STPG1: variants seen among roughly 807,000 people sequenced by gnomAD.
STPG1 encodes the protein O(6)-methylguanine-induced apoptosis 2.
A neutral mutation model predicts 40.1 loss-of-function variants in STPG1; 33 were observed. The ratio of observed to expected loss-of-function variants is 0.82; its 90% CI spans 0.62 to 1.10. The LOEUF is 1.10. STPG1 is among the 50% of genes least tolerant of loss of function. The probability of loss-of-function intolerance (pLI) is 0.00; values close to 1 mark genes in which losing one functional copy is unlikely to be tolerated. For synonymous variants in STPG1, 150 were observed against 155.0 expected (o/e 0.97, Z 0.24); for missense variants, 396 against 415.1 (o/e 0.95, Z 0.40).
At chr1:24,373,625 G>T in intron 6 of STPG1, 77 bp downstream of exon 6, 1 of 961,110 alleles carries the variant, frequency 1.0e-6, no homozygotes, top group Non-Finnish European at 1.7e-6. Context: ...GACTCCCTGT[G>T]AAGAAGTAGG....
chr1:24,391,669 A>C lies in STPG1; in HGVS notation c.81T>G (p.Ala27=). The C allele has an allele frequency of 6.5e-7, 1 of 1,545,298 alleles. No individual in the cohort carries two copies. ...GAATGGAGGATTGTGTTGGATATGC[A>C]GCAGTAAAACCTAAACAACAAAAAT... is the stretch of plus-strand genomic sequence containing the variant. The part of the protein sequence containing the change: ...RASEVQKGFT[A]AYPTQSSIPF... The change falls in exon 3 of 9, where the codon GCT becomes GCG. Residue 27 remains alanine (A), a synonymous_variant. Transcript: ENST00000337248.
In STPG1 at chr1:24,383,967, G is replaced by T. The variant is rs985949052; in HGVS notation, c.226C>A (p.His76Asn). 1 of 1,613,912 alleles carries T rather than the reference G, an allele frequency of 6.2e-7. No individual in the cohort carries two copies. The highest frequency in any genetic ancestry group is 1.1e-5 in the South Asian group (1 of 91,076). ...IPGPGFYNVI[H>N]QSPVSNSVSL... ...ACACTGTTGGACACCGGTGACTGGT[G>T]AATAACATTGTAGAACCCAGGTCCT... Residue 76 changes from histidine to asparagine, a missense_variant, in exon 4 of 9, where the codon CAC becomes AAC. His to Asn is a moderately conservative substitution (Grantham distance 68, BLOSUM62 1). Transcript: ENST00000337248.
intron 2 of STPG1, among the ~76,000 whole-genome samples, chr1:24,395,394 T>C (rs931049159): frequency 1.5e-4 from 21 of 144,180 alleles, no homozygotes; most frequent in Non-Finnish European, 2.3e-4. Context: ...TGTGGGTAAA[T>C]AGAAAATATA....
At chr1:24,363,747 AATCCAGAAATCC>A (rs1009891078) in intron 7 of STPG1, among the ~76,000 whole-genome samples, 1 of 152,218 alleles carries the variant, frequency 6.6e-6, no homozygotes, top group African/African-American at 2.4e-5. Flanking sequence ...CAACAAGATG[AATCCAGAAATCC>A]ATCCAGAAAT....
At chr1:24,374,673 G>A (rs1208460875) in intron 5 of STPG1, among the ~76,000 whole-genome samples, 1 of 151,864 alleles carries the variant, frequency 6.6e-6, no homozygotes, top group Non-Finnish European at 1.5e-5. Flanking sequence ...TGCCCAGGCT[G>A]GAGTGCAGTG....
At chr1:24,364,166 C>A in intron 7 of STPG1, 1 of 1,487,708 alleles carries the variant, frequency 6.7e-7, no homozygotes, top group African/African-American at 1.4e-5. Context: ...CAATTCTTGA[C>A]GTTCTCACTT....
At chr1:24,384,373 G>T (rs1237152561) in intron 3 of STPG1, among the ~76,000 whole-genome samples, 1 of 152,182 alleles carries the variant, frequency 6.6e-6, no homozygotes, top group Non-Finnish European at 1.5e-5. Context: ...CCAGACCCAC[G>T]GCAAGGGAAG....
At chr1:24,365,210 G>T (rs997717593) in intron 7 of STPG1, among the ~76,000 whole-genome samples, 1 of 152,174 alleles carries the variant, frequency 6.6e-6, no homozygotes, top group African/African-American at 2.4e-5. Context: ...TGGGGCCAAC[G>T]GGGCTTGATT....
At chr1:24,373,862 T>C (rs745687030) in intron 5 of STPG1, 52 bp from the exon 6 acceptor site, 1 of 1,301,404 alleles carries the variant, frequency 7.7e-7, no homozygotes, top group African/African-American at 1.5e-5. Context: ...TTTCTTTGTC[T>C]TCGTCATCAT....
At chr1:24,408,397 G>C (rs1378113513) in intron 1 of STPG1, among the ~76,000 whole-genome samples, 1 of 152,164 alleles carries the variant, frequency 6.6e-6, no homozygotes, top group Non-Finnish European at 1.5e-5. Flanking sequence ...GCAGATTACT[G>C]CTCAGCCAAA....
intron 2 of STPG1, among the ~76,000 whole-genome samples, chr1:24,398,348 T>C (rs191941099): frequency 7.2e-5 from 11 of 152,176 alleles, no homozygotes; most frequent in Non-Finnish European, 1.3e-4. Context: ...GTTAATCTGA[T>C]AAAAGGTGTC....
At position 24,384,015 on chromosome 1, in the gene STPG1, G is replaced by T. The variant is rs771170905; in HGVS notation, c.190-12C>A. On this transcript the variant is annotated splice_polypyrimidine_tract_variant and intron_variant, in intron 3 of 8. Transcript: ENST00000337248. ...CCTGGGATATCATTCTGAAAGGGAA[G>T]AGAAGGTGGTGTCATCGAGATACTT... 1 of 1,542,106 alleles carries T rather than the reference G, an allele frequency of 6.5e-7. No individual in the cohort carries two copies. The highest frequency in any genetic ancestry group is 1.1e-5 in the South Asian group (1 of 89,462).
At chr1:24,414,381 A>C (rs911687337), upstream of STPG1, 2 of 149,970 alleles carry the variant, frequency 1.3e-5, 1 homozygote, top group African/African-American at 4.9e-5. Context: ...AAAAAAAAAA[A>C]TTGACATGGG....
intron 1 of STPG1, among the ~76,000 whole-genome samples, chr1:24,403,348 T>C (rs1349376877): frequency 6.6e-6 from 1 of 152,208 alleles, no homozygotes. Flanking sequence ...TATATCCTTA[T>C]ACCAACAGCT....
At chr1:24,369,569 C>A in intron 7 of STPG1, 105 bp downstream of exon 7, 1 of 1,264,514 alleles carries the variant, frequency 7.9e-7, no homozygotes, top group African/African-American at 1.5e-5. Context: ...GAGAGTGGCC[C>A]GGCACTGTGC....
chr1:24,404,589 A>C (rs183718315), intron 1 of STPG1, among the ~76,000 whole-genome samples: 15 of 152,342 alleles, frequency 9.8e-5, no homozygotes, highest in African/African-American at 3.6e-4. Context: ...AAGTCCATTA[A>C]CTTAATACAT....
Position 24,391,750 on chromosome 1 carries a change from G to A in STPG1, c.71-71C>T. The A allele has an allele frequency of 3.1e-6, 4 of 1,271,040 alleles. 1 individual carries two copies. The highest frequency in any genetic ancestry group is 3.0e-5 in the South Asian group (2 of 67,568). 78.7% of individuals were successfully genotyped at this position (1,271,040 alleles called of 1,614,324 possible). On this transcript the variant is annotated intron_variant, in intron 2 of 8. Transcript: ENST00000337248. ...GATTGACAAATGTGGAAAACACAAA[G>A]GTGTATATTAAAGTTTTATTTTAAA... is the stretch of plus-strand genomic sequence containing the variant.
chr1:24,409,701 T>C (rs1643540182), intron 1 of STPG1, among the ~76,000 whole-genome samples: 1 of 152,216 alleles, frequency 6.6e-6, no homozygotes, highest in South Asian at 2.1e-4. Flanking sequence ...ACCTGGGATG[T>C]GAATCATCCT....
Position 24,365,100 on chromosome 1 carries a change from C to T in STPG1, c.738-4059G>A, listed in dbSNP as rs539966397. ...ATGCAGTATCTGTTTAACAGGGTAG[C>T]GGGTGACAGATTACAGCTGCTTGGG... On this transcript the variant is annotated intron_variant, in intron 7 of 8. Transcript: ENST00000337248. Among the ~76,000 whole-genome samples the T allele has an allele frequency of 5.3e-5, 8 of 152,252 alleles. No individual in the cohort carries two copies. The South Asian group carries it at 8.3e-4, about 16-fold the overall frequency.
Sources: allele counts gnomAD v4.1 joint callset (sites outside exome capture counted in the v4.1 genomes callset), GRCh38; gene constraint gnomAD v4.1.1; transcripts MANE v1.5; gene names NCBI Gene and HGNC (gene_info 2026-07-23, HGNC 2026-07-21).